PTPRF: variants seen among roughly 807,000 people sequenced by gnomAD.
PTPRF encodes protein tyrosine phosphatase receptor type F, also known as receptor-type tyrosine-protein phosphatase F.
A neutral mutation model predicts 201.8 loss-of-function variants in PTPRF; 59 were observed. The observed-to-expected ratio is 0.29, with a 90% CI of 0.24 to 0.36. The LOEUF (loss-of-function observed/expected upper bound fraction) is 0.36. PTPRF is among the 10% of genes least tolerant of loss of function. PTPRF has a pLI of 1.00. For synonymous variants in PTPRF, 1,088 were observed against 1,089.7 expected (o/e 1.00, Z 0.03); for missense variants, 2,132 against 2,690.5 (o/e 0.79, Z 4.59).
chr1:43,606,447 C>T lies in PTPRF; in HGVS notation c.3691C>T (p.Pro1231Ser), dbSNP rs1209338659. The change falls in exon 20 of 34, where the codon CCC becomes TCC. Residue 1231 changes from proline to serine, a missense_variant. Coordinates refer to ENST00000359947, the MANE Select transcript of PTPRF (RefSeq NM_002840.5). ...CTTTGTGCTTGCCTCCTTGAAGGAA[C>T]CCATGGACCAGGTCTGCCTGAGCCG... Reference protein sequence around the residue: ...QCFVLASLKEPMDQKRYASSP... With the variant: ...QCFVLASLKESMDQKRYASSP... 6.2e-7 allele frequency: 1 copy of T among 1,613,368 alleles called. No homozygotes were observed. The highest frequency in any genetic ancestry group is 8.5e-7 in the Non-Finnish European group (1 of 1,179,628).
At position 43,537,051 on chromosome 1, in the gene PTPRF, G is replaced by A. The variant is rs1333646865; in HGVS notation, c.-125-1147G>A. The stretch of plus-strand genomic sequence containing the variant: ...GTCCGTTATAGGAGGAGCCAAGGTG[G>A]CAGAGTGGTGTGGGGTGGGGATCAC... On this transcript the variant is annotated intron_variant, in intron 1 of 33. Transcript: ENST00000359947. This position sits in a 1 kb window ranked among gnomAD's most constrained non-coding sequence, Gnocchi z 4.8. 1.3e-5 allele frequency among the ~76,000 whole-genome samples: 2 copies of A among 152,216 alleles called. No homozygotes were observed. Among genetic ancestry groups the A allele is most frequent in the Non-Finnish European group, 2.9e-5 (2 of 68,034 alleles).
intron 23 of PTPRF, among the ~76,000 whole-genome samples, chr1:43,615,586 T>TTTTGGAAGTC (rs1306637501): frequency 7.1e-6 from 1 of 140,596 alleles, no homozygotes; most frequent in African/African-American, 2.7e-5. Flanking sequence ...TTTTTTCTTT[T>TTTTGGAAGTC]TTGGAAGTCT....
At chr1:43,577,847 G>C (rs1321594398) in intron 6 of PTPRF, among the ~76,000 whole-genome samples, 1 of 152,196 alleles carries the variant, frequency 6.6e-6, no homozygotes, top group African/African-American at 2.4e-5. Flanking sequence ...TCCAGGGAGG[G>C]GTGTGCTGCC....
chr1:43,538,606 G>A (rs1644170899), intron 2 of PTPRF, among the ~76,000 whole-genome samples: 1 of 152,232 alleles, frequency 6.6e-6, no homozygotes, highest in South Asian at 2.1e-4. Flanking sequence ...AGAGGTGGAT[G>A]GGGAATGACA....
At chr1:43,586,934 G>T (rs1239675941) in intron 7 of PTPRF, among the ~76,000 whole-genome samples, 1 of 152,188 alleles carries the variant, frequency 6.6e-6, no homozygotes, top group African/African-American at 2.4e-5. Context: ...GGTAGAAGTG[G>T]TTTCCTTAAA....
At chr1:43,570,376 A>G (rs967867196) in intron 6 of PTPRF, among the ~76,000 whole-genome samples, 2 of 152,258 alleles carry the variant, frequency 1.3e-5, no homozygotes, top group Non-Finnish European at 1.5e-5. Context: ...GGCTCCTGCC[A>G]GGATAATTGA....
chr1:43,613,568 C>A, intron 22 of PTPRF, 50 bp from the exon 23 acceptor site: 1 of 1,478,778 alleles, frequency 6.8e-7, no homozygotes, highest in Non-Finnish European at 9.5e-7. Context: ...CTCTGCCACA[C>A]TGCTCAAGCC....
At position 43,606,384 on chromosome 1, in the gene PTPRF, T is replaced by C. The variant is rs1460405185; in HGVS notation, c.3628T>C (p.Tyr1210His). The C allele has an allele frequency of 1.7e-5, 27 of 1,614,072 alleles. No homozygotes were observed. Among genetic ancestry groups the C allele is most frequent in the Non-Finnish European group, 2.2e-5 (26 of 1,180,024 alleles). ...GGACAAGAAGAACTACCGGGGCTTC[T>C]ACAACCGGCCCCTGTCTCCGGACTT... ...LGDKKNYRGF[Y>H]NRPLSPDLSY... The change falls in exon 20 of 34, where the codon TAC (tyrosine) becomes CAC (histidine). Residue 1210 changes from tyrosine (Y) to histidine (H), a missense_variant. This residue lies in a region of PTPRF where 818 missense variants were observed against 915.3 expected (regional missense o/e 0.89). Coordinates refer to ENST00000359947, the MANE Select transcript of PTPRF (RefSeq NM_002840.5).
chr1:43,601,644 G>A (rs149336279), intron 13 of PTPRF, among the ~76,000 whole-genome samples: 52 of 152,338 alleles, frequency 3.4e-4, no homozygotes, highest in African/African-American at 1.2e-3. Flanking sequence ...AGGACTGTCC[G>A]AGGCAAACCA....
At chr1:43,573,424 C>A (rs11590773) in intron 6 of PTPRF, among the ~76,000 whole-genome samples, 37,680 of 152,190 alleles carry the variant, frequency 0.25, 5,446 homozygotes, top group Non-Finnish European at 0.33. Context: ...CTTCCCCACC[C>A]CCAGCACCCT....
intron 5 of PTPRF, 71 bp from the exon 6 acceptor site, chr1:43,569,519 G>A: frequency 6.8e-7 from 1 of 1,469,034 alleles, no homozygotes; most frequent in Non-Finnish European, 9.1e-7. Flanking sequence ...CAGTTGGGGA[G>A]GTTACCCCCA....
In PTPRF at chr1:43,555,251, C is replaced by T. The variant is rs1645281714; in HGVS notation, c.379+1310C>T. 7.2e-5 allele frequency among the ~76,000 whole-genome samples: 11 copies of T among 152,104 alleles called. No homozygotes were observed. In the South Asian group the frequency reaches 2.1e-3, roughly 29 times the overall value. ...CACAGAGGAAAAAATTAAAATGTCT[C>T]AGTTTACCTCTAGTAATAACATTTG... On this transcript the variant is annotated intron_variant, in intron 5 of 33. Coordinates refer to ENST00000359947, the MANE Select transcript of PTPRF (RefSeq NM_002840.5).
In PTPRF at chr1:43,617,774, G is replaced by A. The variant is rs1427091924; in HGVS notation, c.4234G>A (p.Asp1412Asn). The stretch of plus-strand genomic sequence containing the variant: ...TGACTACATCAATGCCAACTACATC[G>A]ATGGCTACCGCAAGCAGAATGCCTA... ...GSDYINANYI[D>N]GYRKQNAYIA... The change falls in exon 25 of 34, where the codon GAT becomes AAT. Residue 1412 changes from aspartate (D) to asparagine (N), a missense_variant. This residue lies in a region of PTPRF where 22 missense variants were observed against 48.1 expected (regional missense o/e 0.46). Coordinates refer to ENST00000359947, the MANE Select transcript of PTPRF (RefSeq NM_002840.5). 5 of 1,613,926 alleles carry A rather than the reference G, an allele frequency of 3.1e-6. No individual in the cohort carries two copies. Among genetic ancestry groups the A allele is most frequent in the East Asian group, 2.2e-5 (1 of 44,866 alleles).
chr1:43,579,398 C>T (rs1327546144), intron 7 of PTPRF: 11 of 361,790 alleles, frequency 3.0e-5, no homozygotes, highest in African/African-American at 6.4e-5. Flanking sequence ...GCCTCAGGAA[C>T]GGACCAGGCC....
Position 43,619,753 on chromosome 1 carries a change from G to A in PTPRF, c.5006G>A (p.Arg1669Gln), listed in dbSNP as rs746007326. The A allele has an allele frequency of 6.2e-6, 10 of 1,614,246 alleles. No homozygotes were observed. Among genetic ancestry groups the A allele is most frequent in the South Asian group, 3.3e-5 (3 of 91,092 alleles). Residue 1669 changes from arginine to glutamine, a missense_variant, in exon 29 of 34, where the codon CGG (arginine) becomes CAG (glutamine). By Grantham distance (43) the Arg-to-Gln change is conservative. Around this residue, in one of 6 missense-constraint regions of PTPRF, gnomAD observed 519 missense variants for 659.5 expected, o/e 0.79. Coordinates refer to ENST00000359947, the MANE Select transcript of PTPRF (RefSeq NM_002840.5). ...ANLPCNKFKN[R>Q]LVNIMPYELT... ...CTGCCCTGCAACAAGTTCAAGAACC[G>A]GCTGGTGAACATCATGCCCTACGAA...
chr1:43,603,267 A>G lies in PTPRF; in HGVS notation c.2341-149A>G, dbSNP rs1402349535. 2.9e-6 allele frequency: 2 copies of G among 690,870 alleles called. No homozygotes were observed. The highest frequency in any genetic ancestry group is 2.4e-5 in the Admixed American group (1 of 40,858). 42.8% of individuals were successfully genotyped at this position (690,870 alleles called of 1,614,324 possible). A position where few individuals can be genotyped will look rare whatever the true frequency, so the allele number is the denominator to read the frequency against. The stretch of plus-strand genomic sequence containing the variant: ...CCTACCTGCCTGCTTCCTCTCCAGC[A>G]GAGGCCACCATTGTATAGCCCCACC... On this transcript the variant is annotated intron_variant, in intron 14 of 33. Coordinates refer to ENST00000359947, the MANE Select transcript of PTPRF (RefSeq NM_002840.5). This position sits in a 1 kb window ranked among gnomAD's most constrained non-coding sequence, Gnocchi z 5.8.
In PTPRF at chr1:43,622,356, G is replaced by C. The variant is rs114773270; in HGVS notation, c.*353G>C. Reference sequence around the variant, plus strand: ...TAATACATTAAGTGGGGTAGACTGAGGGATTTTAGCCTCTTCCCTCTGATT... The same window carrying C: ...TAATACATTAAGTGGGGTAGACTGACGGATTTTAGCCTCTTCCCTCTGATT... On this transcript the variant is annotated 3_prime_UTR_variant, in exon 34 of 34. Transcript: ENST00000359947. The C allele has an allele frequency of 7.7e-6, 2 of 258,584 alleles. No homozygotes were observed. The highest frequency in any genetic ancestry group is 1.5e-5 in the Non-Finnish European group (2 of 135,262). 16.0% of individuals were successfully genotyped at this position (258,584 alleles called of 1,614,324 possible).
upstream of PTPRF, among the ~76,000 whole-genome samples, chr1:43,528,288 A>G (rs1643202449): frequency 2.0e-5 from 3 of 152,170 alleles, no homozygotes; most frequent in African/African-American, 7.2e-5. Flanking sequence ...TTCCAGGTTC[A>G]AGCAATTCTC....
intron 13 of PTPRF, among the ~76,000 whole-genome samples, chr1:43,599,468 T>C (rs1482686975): frequency 6.6e-6 from 1 of 152,188 alleles, no homozygotes; most frequent in East Asian, 1.9e-4. Flanking sequence ...GCTCCAGGGC[T>C]GTCTTACCCC....
Sources: gnomAD v4.1 joint callset for allele counts (sites outside exome capture counted in the v4.1 genomes callset) on GRCh38, gnomAD v4.1.1 for gene constraint, gnomAD v4.1.1 regional missense constraint, Gnocchi (gnomAD v3.1) non-coding constraint, MANE v1.5 for transcripts, NCBI Gene and HGNC (gene_info 2026-07-23, HGNC 2026-07-21) for gene names.